Variants in CKAP5 observed in about 807,000 individuals in gnomAD.
CKAP5 encodes cytoskeleton associated protein 5, also known as cytoskeleton-associated protein 5.
A neutral mutation model predicts 232.8 loss-of-function variants in CKAP5; 27 were observed. The observed-to-expected ratio is 0.12, with a 90% confidence interval of 0.09 to 0.16. The LOEUF (loss-of-function observed/expected upper bound fraction) is 0.16. CKAP5 is among the 10% of genes least tolerant of loss of function. The pLI, the probability that CKAP5 is intolerant of heterozygous loss-of-function variation, is 1.00. For synonymous variants in CKAP5, 785 were observed against 841.1 expected, an observed-to-expected ratio of 0.93 and a Z score of 1.16; for missense variants, 1,838 against 2,424.7, an observed-to-expected ratio of 0.76 and a Z score of 5.08.
At chr11:46,807,465 C>T (rs891402760) in intron 8 of CKAP5, among the ~76,000 whole-genome samples, 1 of 152,194 alleles carries the variant, frequency 6.6e-6, no homozygotes, top group Non-Finnish European at 1.5e-5. Context: ...TTCTTAAGCA[C>T]TATAATCATA....
In CKAP5 at chr11:46,758,986, G is replaced by T. The variant is rs892595768; in HGVS notation, c.4626C>A (p.Ile1542=). The stretch of plus-strand genomic sequence containing the variant: ...TGGCTACTTGGGAGATAATGAAATT[G>T]ATTGTGGATGCTGTATTACTGTGCA... ...DDMHSNTAST[I]NFIISQVASG... is the part of the protein sequence containing the mutation. The change falls in exon 35 of 44, where the codon ATC becomes ATA. Residue 1542 remains isoleucine (I), a synonymous_variant. Transcript: ENST00000529230. The T allele has an allele frequency of 6.2e-7, 1 of 1,613,442 alleles. No individual in the cohort carries two copies. The highest frequency in any genetic ancestry group is 1.3e-5 in the African/African-American group (1 of 74,734).
At position 46,762,612 on chromosome 11, in the gene CKAP5, A is replaced by C; in HGVS notation, c.4027+15T>G. 6.2e-7 allele frequency: 1 copy of C among 1,613,788 alleles called. No homozygotes were observed. The highest frequency in any genetic ancestry group is 8.5e-7 in the Non-Finnish European group (1 of 1,179,830). ...CTGCAGAGATTCACATCTCAGTTTAAACTGTTTGCTTCACCTGCTCTCTGC... is the reference window on the plus strand; with the variant it reads ...CTGCAGAGATTCACATCTCAGTTTACACTGTTTGCTTCACCTGCTCTCTGC... On this transcript the variant is annotated intron_variant, in intron 31 of 43. Coordinates refer to ENST00000529230, the MANE Select transcript of CKAP5 (RefSeq NM_001008938.4).
chr11:46,764,895 T>TTTTAAAAATGAAGAC (rs1420101979), intron 28 of CKAP5, among the ~76,000 whole-genome samples: 16 of 920 alleles, frequency 0.017, no homozygotes, highest in African/African-American at 0.042. Context: ...TCAATGAAGA[T>TTTTAAAAATGAAGAC]ACCAAAAAAG....
chr11:46,755,370 C>G (rs529705626), intron 35 of CKAP5, among the ~76,000 whole-genome samples: 4 of 152,052 alleles, frequency 2.6e-5, no homozygotes, highest in Admixed American at 2.6e-4. Flanking sequence ...CCTGCCACCA[C>G]GCCAATTTTT....
At chr11:46,831,416 T>A (rs1242858167) in intron 1 of CKAP5, among the ~76,000 whole-genome samples, 1 of 152,216 alleles carries the variant, frequency 6.6e-6, no homozygotes, top group African/African-American at 2.4e-5. Flanking sequence ...ATACATGATA[T>A]CTCCTTTGAA....
chr11:46,833,698 T>C, intron 1 of CKAP5, among the ~76,000 whole-genome samples: 1 of 151,670 alleles, frequency 6.6e-6, no homozygotes, highest in East Asian at 1.9e-4. Flanking sequence ...AGGATGGGCT[T>C]AATCTCCTGA....
intron 1 of CKAP5, among the ~76,000 whole-genome samples, chr11:46,832,194 A>G (rs1175589148): frequency 1.3e-5 from 2 of 152,202 alleles, no homozygotes; most frequent in African/African-American, 2.4e-5. Flanking sequence ...TGTATTTCAA[A>G]TGTGTTGAGA....
intron 26 of CKAP5, among the ~76,000 whole-genome samples, chr11:46,768,683 G>A (rs972720836): frequency 6.7e-6 from 1 of 150,148 alleles, no homozygotes; most frequent in Non-Finnish European, 1.5e-5. Context: ...CTGGGCTGAA[G>A]CGATCCTCCC....
intron 43 of CKAP5, 32 bp from the exon 44 acceptor site, chr11:46,744,297 TCAGGTCAAG>T (rs758269169): frequency 6.2e-7 from 1 of 1,613,482 alleles, no homozygotes. Flanking sequence ...TTGTCTAAGG[TCAGGTCAAG>T]CAGGTCAAGA....
chr11:46,794,724 T>C (rs1193612185), intron 13 of CKAP5, among the ~76,000 whole-genome samples: 1 of 152,090 alleles, frequency 6.6e-6, no homozygotes, highest in African/African-American at 2.4e-5. Context: ...TCATCCTAGC[T>C]ACTTGGGAGG....
intron 21 of CKAP5, 40 bp downstream of exon 21, chr11:46,778,420 A>G: frequency 6.2e-7 from 1 of 1,611,584 alleles, no homozygotes; most frequent in Non-Finnish European, 8.5e-7. Context: ...TGAATTCAAT[A>G]CAATGAATGA....
rs761878308 is a variant in CKAP5, at chr11:46,744,132, A to G, written c.5990T>C (p.Leu1997Pro). Residue 1997 changes from leucine to proline, a missense_variant, in exon 44 of 44, where the codon CTG becomes CCG. Transcript: ENST00000529230. ...TGAAGAGTGAGTCTGGTTAGAATCC[A>G]GGTCTGAATGCTGGTGCTGCTCCCG... Reference protein sequence around the residue: ...ESREQHQHSDLDSNQTHSSGT... With the variant: ...ESREQHQHSDPDSNQTHSSGT... 6.2e-7 allele frequency: 1 copy of G among 1,614,064 alleles called. No individual in the cohort carries two copies.
At chr11:46,792,167 T>C (rs4752935) in intron 13 of CKAP5, among the ~76,000 whole-genome samples, 1,836 of 151,984 alleles carry the variant, frequency 0.012, 22 homozygotes, top group Middle Eastern at 0.017. Flanking sequence ...TTCTCTGTAA[T>C]AGCATTCTCT....
Position 46,762,738 on chromosome 11 carries a change from G to A in CKAP5, c.3916C>T (p.Arg1306Cys). The part of the protein sequence containing the change: ...VKVGEPKDVI[R>C]KDVRAILNRM... Reference sequence around the variant, plus strand: ...TTCAGGATGGCACGAACATCTTTACGAATGACATCCTTTGGTTCTCCAACC... The same window carrying A: ...TTCAGGATGGCACGAACATCTTTACAAATGACATCCTTTGGTTCTCCAACC... The change falls in exon 31 of 44, where the codon CGT becomes TGT. Residue 1306 changes from arginine (R) to cysteine (C), a missense_variant. By Grantham distance (180) the Arg-to-Cys change is radical. Around this residue, in one of 6 missense-constraint regions of CKAP5, gnomAD observed 579 missense variants for 843.2 expected, o/e 0.69. Coordinates refer to ENST00000529230, the MANE Select transcript of CKAP5 (RefSeq NM_001008938.4). 1 of 1,613,878 alleles carries A rather than the reference G, an allele frequency of 6.2e-7. No individual in the cohort carries two copies. The highest frequency in any genetic ancestry group is 8.5e-7 in the Non-Finnish European group (1 of 1,179,834).
chr11:46,770,231 A>C (rs2065236165), intron 25 of CKAP5, 133 bp from the exon 26 acceptor site: 2 of 850,284 alleles, frequency 2.4e-6, no homozygotes, highest in Admixed American at 4.3e-5. Context: ...TAAGGGAGGC[A>C]GTACATGGTG....
intron 1 of CKAP5, among the ~76,000 whole-genome samples, chr11:46,833,295 G>A (rs1045999829): frequency 2.0e-5 from 3 of 148,990 alleles, no homozygotes. Context: ...AAAAGATGCA[G>A]GCAAGAGTAA....
At chr11:46,772,283 T>C (rs1230129279) in intron 24 of CKAP5, among the ~76,000 whole-genome samples, 3 of 152,140 alleles carry the variant, frequency 2.0e-5, no homozygotes, top group Admixed American at 6.6e-5. Flanking sequence ...ATGTGGTTTT[T>C]TTTGCAGAGT....
At chr11:46,832,012 T>C (rs1939805811) in intron 1 of CKAP5, among the ~76,000 whole-genome samples, 1 of 151,732 alleles carries the variant, frequency 6.6e-6, no homozygotes, top group African/African-American at 2.4e-5. Flanking sequence ...CCACAGGTGT[T>C]TGCCACCATG....
chr11:46,813,839 G>T (rs1407986387), intron 4 of CKAP5, among the ~76,000 whole-genome samples: 3 of 151,960 alleles, frequency 2.0e-5, no homozygotes, highest in Admixed American at 2.0e-4. Context: ...GTAATTTAAA[G>T]GTAGAAGATT....
Sources: allele counts gnomAD v4.1 joint callset (sites outside exome capture counted in the v4.1 genomes callset), GRCh38; gene constraint gnomAD v4.1.1; regional missense constraint gnomAD v4.1.1; transcripts MANE v1.5; gene names NCBI Gene and HGNC (gene_info 2026-07-23, HGNC 2026-07-21).